ARHGAP32: variants seen among roughly 807,000 people sequenced by gnomAD.
ARHGAP32 encodes Rho GTPase activating protein 32.
In ARHGAP32, 51 loss-of-function variants were observed where a neutral mutation model predicts 186.5. The ratio of observed to expected loss-of-function variants is 0.27; its 90% CI spans 0.22 to 0.35. The LOEUF is 0.35. ARHGAP32 is among the 10% of genes least tolerant of loss of function. ARHGAP32 has a pLI of 1.00. For synonymous variants in ARHGAP32, 950 were observed against 964.3 expected (o/e 0.99, Z 0.27); for missense variants, 2,186 against 2,623.5 (o/e 0.83, Z 3.64).
chr11:129,267,420 A>T (rs553298187), intron 1 of ARHGAP32, among the ~76,000 whole-genome samples: 1 of 150,804 alleles, frequency 6.6e-6, no homozygotes, highest in Non-Finnish European at 1.5e-5. Context: ...TCTGACTCTG[A>T]TCTAGGTTAT....
At chr11:129,066,631 C>T in intron 7 of ARHGAP32, 100 bp downstream of exon 7, 1 of 1,086,306 alleles carries the variant, frequency 9.2e-7, no homozygotes, top group Non-Finnish European at 1.3e-6. Flanking sequence ...CAGGAATCAC[C>T]CTGCGTGTTC....
intron 9 of ARHGAP32, among the ~76,000 whole-genome samples, chr11:129,063,625 T>A (rs1166111806): frequency 2.0e-5 from 3 of 151,856 alleles, no homozygotes; most frequent in Non-Finnish European, 4.4e-5. Context: ...TGACATTCAA[T>A]TCAGGTTTTG....
At chr11:129,185,142 C>T (rs1944132703) in intron 1 of ARHGAP32, among the ~76,000 whole-genome samples, 1 of 152,160 alleles carries the variant, frequency 6.6e-6, no homozygotes, top group Non-Finnish European at 1.5e-5. Flanking sequence ...GCTATAAAGA[C>T]ACATGCACAC....
At chr11:129,006,247 G>T (rs557989847) in intron 11 of ARHGAP32, among the ~76,000 whole-genome samples, 402 of 152,196 alleles carry the variant, frequency 2.6e-3, no homozygotes, top group African/African-American at 9.2e-3. Flanking sequence ...TCATTTGGTG[G>T]GGTCACGTTT....
At chr11:129,081,617 C>A (rs1315054674) in intron 6 of ARHGAP32, among the ~76,000 whole-genome samples, 2 of 151,492 alleles carry the variant, frequency 1.3e-5, no homozygotes, top group African/African-American at 4.8e-5. Flanking sequence ...TTATAAAACT[C>A]ATCTATGACA....
chr11:129,116,341 A>G (rs933776403), intron 5 of ARHGAP32, among the ~76,000 whole-genome samples: 1 of 152,108 alleles, frequency 6.6e-6, no homozygotes, highest in African/African-American at 2.4e-5. Context: ...CTTGGACTGA[A>G]TAATCTCAAA....
chr11:129,170,410 T>C (rs1249895244), intron 1 of ARHGAP32, among the ~76,000 whole-genome samples: 4 of 152,070 alleles, frequency 2.6e-5, no homozygotes, highest in African/African-American at 9.7e-5. Context: ...AACTCCCAAT[T>C]ATGGATGACA....
chr11:129,034,188 T>C (rs1364669283), intron 11 of ARHGAP32, among the ~76,000 whole-genome samples: 1 of 152,220 alleles, frequency 6.6e-6, no homozygotes, highest in Non-Finnish European at 1.5e-5. Flanking sequence ...CCTAGCACTA[T>C]GATGACCTCC....
At chr11:129,015,477 T>C (rs1357371120) in intron 11 of ARHGAP32, among the ~76,000 whole-genome samples, 1 of 152,238 alleles carries the variant, frequency 6.6e-6, no homozygotes, top group Non-Finnish European at 1.5e-5. Flanking sequence ...TGCCACATTA[T>C]TTCCTCAGAT....
At chr11:129,190,476 A>C (rs1443417230) in intron 1 of ARHGAP32, among the ~76,000 whole-genome samples, 1 of 152,218 alleles carries the variant, frequency 6.6e-6, no homozygotes, top group African/African-American at 2.4e-5. Flanking sequence ...CTATGGTATC[A>C]TAGTTTCCTT....
At chr11:129,032,985 G>A (rs1002885374) in intron 11 of ARHGAP32, among the ~76,000 whole-genome samples, 1 of 152,148 alleles carries the variant, frequency 6.6e-6, no homozygotes, top group African/African-American at 2.4e-5. Flanking sequence ...ATACCACAGA[G>A]CAGTCTTGAA....
intron 10 of ARHGAP32, among the ~76,000 whole-genome samples, chr11:129,046,813 C>T (rs1648122838): frequency 1.3e-5 from 2 of 151,988 alleles, no homozygotes; most frequent in Admixed American, 6.6e-5. Flanking sequence ...CGATCATGTG[C>T]TTATCGCTGA....
chr11:128,996,036 G>A (rs1591514333), intron 12 of ARHGAP32, among the ~76,000 whole-genome samples: 1 of 152,176 alleles, frequency 6.6e-6, no homozygotes, highest in African/African-American at 2.4e-5. Context: ...TGCTAACTCA[G>A]AACCTTCTGA....
At chr11:129,103,446 G>C (rs1941958534) in intron 5 of ARHGAP32, among the ~76,000 whole-genome samples, 1 of 151,994 alleles carries the variant, frequency 6.6e-6, no homozygotes, top group Non-Finnish European at 1.5e-5. Context: ...GATATAATTG[G>C]AGTACCAGAA....
chr11:129,114,610 T>C (rs1317619125), intron 5 of ARHGAP32, among the ~76,000 whole-genome samples: 1 of 152,158 alleles, frequency 6.6e-6, no homozygotes, highest in East Asian at 1.9e-4. Flanking sequence ...GTACAAAGAC[T>C]ATACACTATG....
chr11:129,206,373 G>A (rs1002158671), intron 1 of ARHGAP32, among the ~76,000 whole-genome samples: 2 of 152,000 alleles, frequency 1.3e-5, no homozygotes, highest in Non-Finnish European at 2.9e-5. Flanking sequence ...CACCATGCCT[G>A]GCTAGTTTTT....
Position 129,011,537 on chromosome 11 carries a change from C to T in ARHGAP32, c.1046-13069G>A, listed in dbSNP as rs139392677. On this transcript the variant is annotated intron_variant, in intron 11 of 22. Transcript: ENST00000682385. The stretch of plus-strand genomic sequence containing the variant: ...AAGCCATGAGAGGGGTAGGGAGCCA[C>T]GGGACAGTGGTATGAAATGAGGCTC... Among the ~76,000 whole-genome samples the T allele has an allele frequency of 5.1e-3, 780 of 152,152 alleles. 7 individuals are homozygous for T. The highest frequency in any genetic ancestry group is 8.7e-3 in the Non-Finnish European group (590 of 68,014).
chr11:129,279,454 C>A (rs1010506696), upstream of ARHGAP32: 21 of 146,368 alleles, frequency 1.4e-4, no homozygotes, highest in African/African-American at 5.1e-4. Flanking sequence ...GAGTCGGCCC[C>A]CGGGGACGCG....
At chr11:129,193,533 TATATATATTATATATA>T (rs1241212105), upstream of ARHGAP32, among the ~76,000 whole-genome samples, 2 of 35,938 alleles carry the variant, frequency 5.6e-5, no homozygotes, top group African/African-American at 2.4e-4. Context: ...GAGCATATAA[TATATATATTATATATA>T]ATATATATAT....
Sources: allele counts gnomAD v4.1 joint callset (sites outside exome capture counted in the v4.1 genomes callset), GRCh38; gene constraint gnomAD v4.1.1; transcripts MANE v1.5; gene names NCBI Gene and HGNC (gene_info 2026-07-23, HGNC 2026-07-21).